Variants in TASP1 observed in about 807,000 individuals in gnomAD.
The protein encoded by TASP1 is threonine aspartase 1.
Under a neutral mutation model 56.6 loss-of-function variants are expected in TASP1, and 16 were observed. That is an observed-to-expected ratio of 0.28 (90% CI 0.19 to 0.43). The LOEUF is 0.43. Ranked by LOEUF, TASP1 falls within the 20% of genes least tolerant of loss-of-function variation. The pLI is 1.00. For synonymous variants in TASP1, 179 were observed against 184.2 expected (o/e 0.97, Z 0.23); for missense variants, 393 against 511.6 (o/e 0.77, Z 2.24).
At chr20:13,564,874 T>C (rs1021761712) in intron 7 of TASP1, among the ~76,000 whole-genome samples, 1 of 151,722 alleles carries the variant, frequency 6.6e-6, no homozygotes, top group African/African-American at 2.4e-5. Context: ...GGTGTGGTGG[T>C]GGGCACTTGT....
chr20:13,323,684 T>C, the TASP1 span, among the ~76,000 whole-genome samples: 1 of 152,242 alleles, frequency 6.6e-6, no homozygotes, highest in Non-Finnish European at 1.5e-5. Flanking sequence ...TTCTTATACA[T>C]GTCATGGACT....
rs551645145 is a variant in TASP1, at chr20:13,574,113, A to T, written c.489-4527T>A. Among the ~76,000 whole-genome samples the T allele has an allele frequency of 1.3e-5, 2 of 152,188 alleles. 1 individual carries two copies. Among genetic ancestry groups the T allele is most frequent in the South Asian group, 4.1e-4 (2 of 4,828 alleles). ...CCAAAGCACTGGAACAAATGAAATG[A>T]AAGTTTAAAAAAAAAAAAAGAAACA... On this transcript the variant is annotated intron_variant, in intron 6 of 13. Transcript: ENST00000337743.
At chr20:13,482,299 G>A (rs1362339458) in intron 11 of TASP1, among the ~76,000 whole-genome samples, 1 of 152,086 alleles carries the variant, frequency 6.6e-6, no homozygotes, top group African/African-American at 2.4e-5. Context: ...CCAGTCCCAT[G>A]CCATTTTGGT....
the TASP1 span, among the ~76,000 whole-genome samples, chr20:13,294,351 G>A: frequency 2.6e-5 from 4 of 152,124 alleles, no homozygotes; most frequent in Admixed American, 2.0e-4. Flanking sequence ...AACAGGAACC[G>A]TCTGCAAATA....
chr20:13,486,881 C>T (rs78662037), intron 10 of TASP1, among the ~76,000 whole-genome samples: 3,008 of 152,286 alleles, frequency 0.02, 47 homozygotes, highest in Middle Eastern at 0.044. Context: ...TTGCATCATA[C>T]TTAATGATGA....
chr20:13,460,400 C>G (rs184222693), intron 11 of TASP1, among the ~76,000 whole-genome samples: 1 of 152,240 alleles, frequency 6.6e-6, no homozygotes, highest in Admixed American at 6.5e-5. Context: ...TCTTCAAGGT[C>G]TTCTTTTATC....
chr20:13,358,877 AACCCCTTCTCTCCTTGTCTCT>A, the TASP1 span, among the ~76,000 whole-genome samples: 439 of 150,156 alleles, frequency 2.9e-3, 1 homozygote, highest in East Asian at 9.7e-3. Flanking sequence ...CAAGTACCCC[AACCCCTTCTCTCCTTGTCTCT>A]ACCCCTTCTC....
At chr20:13,441,086 C>T (rs1178787603) in intron 11 of TASP1, among the ~76,000 whole-genome samples, 1 of 152,168 alleles carries the variant, frequency 6.6e-6, no homozygotes, top group Non-Finnish European at 1.5e-5. Context: ...AACAAGTCAA[C>T]ACTTCAAACC....
chr20:13,442,970 T>C (rs2043275955), intron 11 of TASP1, among the ~76,000 whole-genome samples: 1 of 152,214 alleles, frequency 6.6e-6, no homozygotes, highest in Non-Finnish European at 1.5e-5. Flanking sequence ...TCTTCAGTTT[T>C]TTCATTATAA....
chr20:13,209,736 T>C, the TASP1 span, among the ~76,000 whole-genome samples: 1 of 152,224 alleles, frequency 6.6e-6, no homozygotes, highest in Non-Finnish European at 1.5e-5. Flanking sequence ...AAAGAGATCA[T>C]AGATGTTCTG....
At chr20:13,525,203 G>T (rs1324452024) in intron 10 of TASP1, among the ~76,000 whole-genome samples, 1 of 152,158 alleles carries the variant, frequency 6.6e-6, no homozygotes, top group African/African-American at 2.4e-5. Context: ...TCTGGGACAA[G>T]AAATGCACTA....
chr20:13,361,525 A>G, the TASP1 span, among the ~76,000 whole-genome samples: 5 of 152,184 alleles, frequency 3.3e-5, no homozygotes, highest in Non-Finnish European at 5.9e-5. Flanking sequence ...GGACTGGACA[A>G]TACTTTTACC....
the TASP1 span, among the ~76,000 whole-genome samples, chr20:13,304,772 A>T: frequency 6.6e-6 from 1 of 152,276 alleles, no homozygotes; most frequent in South Asian, 2.1e-4. Context: ...AGTGTGTTTT[A>T]TACCAGTCCA....
chr20:13,391,484 C>T (rs143862111), intron 13 of TASP1, among the ~76,000 whole-genome samples: 8 of 152,278 alleles, frequency 5.3e-5, no homozygotes, highest in South Asian at 4.1e-4. Flanking sequence ...GTTCTCTAAA[C>T]GAGCTTTTCC....
intron 11 of TASP1, 83 bp downstream of exon 11, chr20:13,483,143 CA>C (rs2043198952): frequency 1.0e-6 from 1 of 984,688 alleles, no homozygotes; most frequent in African/African-American, 1.7e-5. Flanking sequence ...TCTAGAAATA[CA>C]AATGGAGTAC....
the TASP1 span, among the ~76,000 whole-genome samples, chr20:13,151,187 GC>G: frequency 6.6e-6 from 1 of 152,118 alleles, no homozygotes; most frequent in South Asian, 2.1e-4. Context: ...CTGCTAATAA[GC>G]TTTTTTTCTG....
At chr20:13,589,223 A>G (rs569227290) in intron 4 of TASP1, among the ~76,000 whole-genome samples, 1 of 151,948 alleles carries the variant, frequency 6.6e-6, no homozygotes, top group Admixed American at 6.6e-5. Flanking sequence ...ATGCCCAGCT[A>G]ATTTTTTGTA....
At chr20:13,468,349 C>T (rs1486787719) in intron 11 of TASP1, among the ~76,000 whole-genome samples, 2 of 142,080 alleles carry the variant, frequency 1.4e-5, no homozygotes, top group Non-Finnish European at 3.1e-5. Flanking sequence ...CCTGTTGATG[C>T]TAATGAATGG....
the TASP1 span, among the ~76,000 whole-genome samples, chr20:13,140,548 T>C: frequency 1.3e-5 from 2 of 152,180 alleles, no homozygotes; most frequent in African/African-American, 4.8e-5. Context: ...ACTTGCATTT[T>C]ATCTACTTTT....
Sources: allele counts gnomAD v4.1 joint callset (sites outside exome capture counted in the v4.1 genomes callset), GRCh38; gene constraint gnomAD v4.1.1; transcripts MANE v1.5; gene names NCBI Gene and HGNC (gene_info 2026-07-23, HGNC 2026-07-21).